Variants in GPI observed in about 807,000 individuals in gnomAD.
GPI encodes the protein glucose-6-phosphate isomerase.
In GPI, 56 loss-of-function variants were observed where a neutral mutation model predicts 75.8. The ratio of observed to expected loss-of-function variants is 0.74; its 90% CI spans 0.60 to 0.92. The LOEUF (loss-of-function observed/expected upper bound fraction) is 0.92. Ranked by LOEUF, GPI falls within the 40% of genes least tolerant of loss-of-function variation. The pLI is 0.00. For missense variants in GPI, 638 were observed against 741.0 expected (o/e 0.86, Z 1.61); for synonymous variants, 288 against 285.4 (o/e 1.01, Z -0.09).
chr19:34,385,871 T>C (rs751778613), intron 9 of GPI, among the ~76,000 whole-genome samples: 4 of 152,032 alleles, frequency 2.6e-5, no homozygotes, highest in Admixed American at 6.5e-5. Flanking sequence ...CTCAGGTAGG[T>C]AGATCTGGCA....
intron 9 of GPI, among the ~76,000 whole-genome samples, chr19:34,382,563 A>C (rs1461349749): frequency 2.0e-5 from 3 of 152,044 alleles, no homozygotes; most frequent in African/African-American, 7.2e-5. Flanking sequence ...GTCAAGAGAG[A>C]CTGTGCGGCT....
upstream of GPI, chr19:34,363,313 A>C (rs577883853): frequency 2.0e-5 from 3 of 152,990 alleles, no homozygotes; most frequent in Admixed American, 2.0e-4. Context: ...GTCTCAAAAA[A>C]AAAAAAAGAA....
Position 34,365,266 on chromosome 19 carries a change from C to T in GPI, c.-1C>T, listed in dbSNP as rs1251628431. 2 of 1,572,834 alleles carry T rather than the reference C, an allele frequency of 1.3e-6. No individual in the cohort carries two copies. Among genetic ancestry groups the T allele is most frequent in the African/African-American group, 1.4e-5 (1 of 71,090 alleles). ...CACTCAGTGTACCTTCTAGTCCCGC[C>T]ATGGCCGCTCTCACCCGGGACCCCC... On this transcript the variant is annotated 5_prime_UTR_variant, in exon 1 of 18. Transcript: ENST00000356487.
intron 9 of GPI, among the ~76,000 whole-genome samples, chr19:34,382,823 G>A (rs1017609997): frequency 1.1e-4 from 16 of 152,304 alleles, no homozygotes; most frequent in African/African-American, 3.4e-4. Context: ...AGGAACATGG[G>A]GCCAGGGCTG....
At chr19:34,366,512 A>AG in intron 2 of GPI, 77 bp downstream of exon 2, 1 of 967,456 alleles carries the variant, frequency 1.0e-6, no homozygotes, top group Non-Finnish European at 1.7e-6. Flanking sequence ...AGTCCCCAGG[A>AG]CCTTGAGTAT....
Position 34,393,858 on chromosome 19 carries a change from G to A in GPI, c.910-56G>A. ...CCCCCGCTTTCTCCCCCACTGTCCTGTCCCTCCCCTCCCCGTGCAGCTGCT... is the reference window on the plus strand; with the variant it reads ...CCCCCGCTTTCTCCCCCACTGTCCTATCCCTCCCCTCCCCGTGCAGCTGCT... On this transcript the variant is annotated intron_variant, in intron 11 of 17. Coordinates refer to ENST00000356487, the MANE Select transcript of GPI (RefSeq NM_000175.5). This position sits in a 1 kb window ranked among gnomAD's most constrained non-coding sequence, Gnocchi z 4.4. The A allele has an allele frequency of 6.2e-7, 1 of 1,608,244 alleles. No homozygotes were observed. The highest frequency in any genetic ancestry group is 8.5e-7 in the Non-Finnish European group (1 of 1,175,938).
At chr19:34,370,390 C>G (rs867033010) in intron 4 of GPI, among the ~76,000 whole-genome samples, 1 of 152,106 alleles carries the variant, frequency 6.6e-6, no homozygotes, top group Non-Finnish European at 1.5e-5. Flanking sequence ...TGTGGCTGGT[C>G]AGAGTCCAGT....
intron 14 of GPI, chr19:34,398,939 T>G (rs2074982189): frequency 6.1e-6 from 2 of 329,136 alleles, no homozygotes; most frequent in African/African-American, 2.1e-5. Context: ...GCTCCTGACC[T>G]CGTGGTCCAT....
chr19:34,402,030 T>G lies in GPI; in HGVS notation c.*1994T>G, dbSNP rs2075029716. 3 of 150,906 alleles carry G rather than the reference T, an allele frequency of 2.0e-5. No individual in the cohort carries two copies. The highest frequency in any genetic ancestry group is 2.0e-4 in the Admixed American group (3 of 15,214). 9.3% of individuals were successfully genotyped at this position (150,906 alleles called of 1,614,324 possible). On this transcript the variant is annotated 3_prime_UTR_variant, in exon 18 of 18. Transcript: ENST00000356487. ...TTCACCGTGTTAGCCAGGATGGTCT[T>G]GATCTCCTGACCTCATGATCCGCCT...
upstream of GPI, chr19:34,364,910 A>G (rs2074330338): frequency 6.9e-7 from 1 of 1,442,338 alleles, no homozygotes; most frequent in Admixed American, 2.0e-5. Flanking sequence ...CAGCGGCGCG[A>G]TGGTAGCTCT....
chr19:34,366,715 T>C (rs567812892), intron 2 of GPI, 68 bp from the exon 3 acceptor site: 3 of 1,058,228 alleles, frequency 2.8e-6, no homozygotes, highest in East Asian at 2.4e-5. Flanking sequence ...CCAAGCCTTG[T>C]GTTTGGGGGC....
intron 4 of GPI, among the ~76,000 whole-genome samples, chr19:34,373,113 G>A (rs995861221): frequency 3.3e-5 from 5 of 151,604 alleles, no homozygotes; most frequent in Non-Finnish European, 7.4e-5. Flanking sequence ...TAGTCTGGGT[G>A]CTGTGGCTCA....
upstream of GPI, among the ~76,000 whole-genome samples, chr19:34,364,092 G>T (rs1048558471): frequency 5.3e-5 from 8 of 151,902 alleles, no homozygotes; most frequent in African/African-American, 1.9e-4. Flanking sequence ...TACAGTGGTG[G>T]TAATCACGGC....
intron 4 of GPI, among the ~76,000 whole-genome samples, chr19:34,371,698 CA>C (rs1227627936): frequency 2.6e-5 from 4 of 151,130 alleles, no homozygotes; most frequent in Admixed American, 2.0e-4. Flanking sequence ...AAAAAAAATA[CA>C]AAAAAGTTAG....
Position 34,393,355 on chromosome 19 carries a change from C to T in GPI, c.865+47C>T. On this transcript the variant is annotated intron_variant, in intron 10 of 17. Transcript: ENST00000356487. The surrounding 1 kb of genome is among the most constrained non-coding windows in gnomAD (Gnocchi z 4.4). ...GCAGCCCCTGTGGGAGACAGTGTTG[C>T]AGTCTAAGGTCGGGGTAGGGGGCTT... is the stretch of plus-strand genomic sequence containing the variant. The T allele has an allele frequency of 3.4e-6, 5 of 1,465,212 alleles. No individual in the cohort carries two copies. Among genetic ancestry groups the T allele is most frequent in the Non-Finnish European group, 4.8e-6 (5 of 1,043,770 alleles). 90.8% of individuals were successfully genotyped at this position (1,465,212 alleles called of 1,614,324 possible). A position where few individuals can be genotyped will look rare whatever the true frequency, so the allele number is the denominator to read the frequency against.
At chr19:34,365,752 C>A (rs998738956) in intron 1 of GPI, 5 of 486,500 alleles carry the variant, frequency 1.0e-5, no homozygotes, top group African/African-American at 9.8e-5. Flanking sequence ...AAAGGGCTGT[C>A]CCTTTCCATC....
At chr19:34,359,787 CCT>C (rs1305125450), upstream of GPI, 3 of 152,656 alleles carry the variant, frequency 2.0e-5, no homozygotes, top group Admixed American at 6.5e-5. Context: ...CTGCCTGACC[CCT>C]GTCCAGCGGC....
chr19:34,377,430 G>A, intron 4 of GPI, 73 bp from the exon 5 acceptor site: 3 of 1,091,498 alleles, frequency 2.7e-6, no homozygotes, highest in East Asian at 2.4e-5. Flanking sequence ...CCAGGACACG[G>A]CAGTAATGAT....
intron 14 of GPI, 34 bp from the exon 15 acceptor site, chr19:34,399,173 T>C (rs2074985851): frequency 6.2e-7 from 1 of 1,602,882 alleles, no homozygotes. Context: ...GCCCAGACAG[T>C]GCTCTCAAGC....
Sources: allele counts gnomAD v4.1 joint callset (sites outside exome capture counted in the v4.1 genomes callset), GRCh38; gene constraint gnomAD v4.1.1; non-coding constraint Gnocchi (gnomAD v3.1); transcripts MANE v1.5; gene names NCBI Gene and HGNC (gene_info 2026-07-23, HGNC 2026-07-21).